The following SFR1 variants were observed in gnomAD, a reference collection of about 807,000 sequenced individuals.
SFR1 encodes the protein swi5-dependent recombination DNA repair protein 1 homolog.
A neutral mutation model predicts 26.2 loss-of-function variants in SFR1; 24 were observed. That is an observed-to-expected ratio of 0.92 (90% CI 0.66 to 1.29). The LOEUF (loss-of-function observed/expected upper bound fraction) is 1.29. Among genes scored for constraint, SFR1 ranks in the 50% most tolerant of loss-of-function variants. The pLI is 0.00. For synonymous variants in SFR1, 77 were observed against 96.6 expected, an observed-to-expected ratio of 0.80 and a Z score of 1.19; for missense variants, 276 against 270.2, an observed-to-expected ratio of 1.02 and a Z score of -0.15.
chr10:104,121,053 T>C (rs2086955571), upstream of SFR1, among the ~76,000 whole-genome samples: 2 of 152,020 alleles, frequency 1.3e-5, no homozygotes, highest in African/African-American at 4.8e-5. Flanking sequence ...CCACCCAATG[T>C]AGCTAACTTT....
chr10:104,122,053 A>T, upstream of SFR1: 2 of 1,131,742 alleles, frequency 1.8e-6, no homozygotes, highest in Non-Finnish European at 2.6e-6. Context: ...TGAGTCGCTG[A>T]GTGAAGCGGC....
intron 1 of SFR1, chr10:104,122,563 G>T: frequency 1.0e-6 from 1 of 985,368 alleles, no homozygotes; most frequent in Non-Finnish European, 1.2e-6. Flanking sequence ...GTTCAGGATG[G>T]GTGACATTCA....
chr10:104,121,537 A>G (rs1200661871), upstream of SFR1, among the ~76,000 whole-genome samples: 1 of 152,202 alleles, frequency 6.6e-6, no homozygotes, highest in East Asian at 1.9e-4. Context: ...GAACCCAACC[A>G]ACGCTGTTCT....
chr10:104,120,631 G>T (rs1261812833), upstream of SFR1, among the ~76,000 whole-genome samples: 1 of 152,128 alleles, frequency 6.6e-6, no homozygotes, highest in African/African-American at 2.4e-5. Context: ...ACTACTGAGT[G>T]CTTCCTAGAT....
intron 1 of SFR1, 177 bp downstream of exon 1, chr10:104,122,373 C>T (rs1019757884): frequency 2.0e-5 from 20 of 985,290 alleles, no homozygotes; most frequent in Non-Finnish European, 2.4e-5. Flanking sequence ...CGACTCCCGC[C>T]CCTAGTTTAC....
chr10:104,121,328 GTTTT>G (rs755549884), upstream of SFR1, among the ~76,000 whole-genome samples: 139 of 152,174 alleles, frequency 9.1e-4, 5 homozygotes, highest in Non-Finnish European at 3.1e-4. Flanking sequence ...TACAGAAACG[GTTTT>G]TTGTTTACAA....
chr10:104,120,550 G>C (rs1243178067), upstream of SFR1, among the ~76,000 whole-genome samples: 1 of 152,088 alleles, frequency 6.6e-6, no homozygotes, highest in Non-Finnish European at 1.5e-5. Context: ...TAAATCAAGG[G>C]GTGAAACTGA....
upstream of SFR1, among the ~76,000 whole-genome samples, chr10:104,121,633 G>A (rs950239211): frequency 3.3e-5 from 5 of 152,324 alleles, no homozygotes; most frequent in African/African-American, 1.2e-4. Flanking sequence ...CCACGTCTGA[G>A]TAAAGCCTTC....
At chr10:104,121,058 A>G (rs2086955626), upstream of SFR1, among the ~76,000 whole-genome samples, 1 of 151,672 alleles carries the variant, frequency 6.6e-6, no homozygotes, top group Admixed American at 6.6e-5. Context: ...CAATGTAGCT[A>G]ACTTTGTCGT....
upstream of SFR1, chr10:104,121,918 G>T (rs931926257): frequency 1.5e-5 from 7 of 470,196 alleles, no homozygotes; most frequent in Non-Finnish European, 2.3e-5. Context: ...GCTCTCGGGC[G>T]CTGGGCGGGG....
intron 2 of SFR1, 77 bp downstream of exon 2, chr10:104,123,163 G>A (rs2086986119): frequency 8.6e-7 from 1 of 1,161,290 alleles, no homozygotes; most frequent in Non-Finnish European, 1.2e-6. Flanking sequence ...TAAATTCTAC[G>A]GAAGGTTGTT....
chr10:104,124,373 C>T (rs2087003553), intron 3 of SFR1, among the ~76,000 whole-genome samples: 1 of 151,806 alleles, frequency 6.6e-6, no homozygotes. Flanking sequence ...TAGTTTCTAG[C>T]CCACAGCAAT....
chr10:104,123,753 A>G lies in SFR1; in HGVS notation c.175A>G (p.Arg59Gly). 1 of 1,605,020 alleles carries G rather than the reference A, an allele frequency of 6.2e-7. No homozygotes were observed. The highest frequency in any genetic ancestry group is 1.1e-5 in the South Asian group (1 of 88,922). Reference protein sequence around the residue: ...ATLRERLRKTRFSFNSSYNVV... With the variant: ...ATLRERLRKTGFSFNSSYNVV... Reference sequence around the variant, plus strand: ...ACTTAGAGAAAGATTAAGGAAAACAAGATTTTCATTTAATTCCTCTTACAA... The same window carrying G: ...ACTTAGAGAAAGATTAAGGAAAACAGGATTTTCATTTAATTCCTCTTACAA... Residue 59 changes from arginine to glycine, a missense_variant, in exon 3 of 4, where the codon AGA (arginine) becomes GGA (glycine). By Grantham distance (125) the Arg-to-Gly change is moderately radical. Transcript: ENST00000369727.
At chr10:104,124,177 G>A (rs1197260431) in intron 3 of SFR1, 53 bp downstream of exon 3, 11 of 1,387,740 alleles carry the variant, frequency 7.9e-6, no homozygotes, top group Non-Finnish European at 8.6e-6. Context: ...ATAAATTACA[G>A]GAAAGTAATT....
At position 104,126,175 on chromosome 10, in the gene SFR1, G is replaced by C. The variant is rs1197213877; in HGVS notation, c.*471G>C. ...TTAAGTCATGTTTAAAAAGTCATTT[G>C]GGCAGTTCTGGAAACTAGTTTTAAT... is the stretch of plus-strand genomic sequence containing the variant. On this transcript the variant is annotated 3_prime_UTR_variant, in exon 4 of 4. Transcript: ENST00000369727. 1 of 152,596 alleles carries C rather than the reference G, an allele frequency of 6.6e-6. No individual in the cohort carries two copies. The highest frequency in any genetic ancestry group is 1.5e-5 in the Non-Finnish European group (1 of 68,056). 9.5% of individuals were successfully genotyped at this position (152,596 alleles called of 1,614,324 possible).
chr10:104,121,980 CG>C, upstream of SFR1: 1 of 551,168 alleles, frequency 1.8e-6, no homozygotes, highest in Non-Finnish European at 3.2e-6. Context: ...GGCCTCCCAT[CG>C]TGTGGGCCAA....
chr10:104,123,622 C>A, intron 2 of SFR1, 92 bp from the exon 3 acceptor site: 1 of 1,005,238 alleles, frequency 9.9e-7, no homozygotes, highest in Non-Finnish European at 1.4e-6. Flanking sequence ...TGGTGTCTAG[C>A]ATAGAAATGG....
In SFR1 at chr10:104,125,763, G is replaced by T. The variant is rs1198125065; in HGVS notation, c.*59G>T. On this transcript the variant is annotated 3_prime_UTR_variant, in exon 4 of 4. Transcript: ENST00000369727. ...TGACAACTTAATTAAAAGATACTTAGGCACTTTTTTTTTTTTTTTGAGACT... is the reference window on the plus strand; with the variant it reads ...TGACAACTTAATTAAAAGATACTTATGCACTTTTTTTTTTTTTTTGAGACT... The T allele has an allele frequency of 8.1e-7, 1 of 1,240,470 alleles. No homozygotes were observed. The highest frequency in any genetic ancestry group is 1.1e-6 in the Non-Finnish European group (1 of 894,962). 76.8% of individuals were successfully genotyped at this position (1,240,470 alleles called of 1,614,324 possible).
rs1448929173 is a variant in SFR1 at position 104,125,910 on chromosome 10, C to G, written c.*206C>G. 8.4e-6 allele frequency: 3 copies of G among 355,120 alleles called. No homozygotes were observed. Among genetic ancestry groups the G allele is most frequent in the Non-Finnish European group, 1.6e-5 (3 of 193,054 alleles). 22.0% of individuals were successfully genotyped at this position (355,120 alleles called of 1,614,324 possible). A position where few individuals can be genotyped will look rare whatever the true frequency, so the allele number is the denominator to read the frequency against. On this transcript the variant is annotated 3_prime_UTR_variant, in exon 4 of 4. Coordinates refer to ENST00000369727, the MANE Select transcript of SFR1 (RefSeq NM_001002759.2). ...CCTCCCGAGTAGCTGAGATTACAGG[C>G]GCCCGCCACCATGCCCGGCTAATTT...
Sources: gnomAD v4.1 joint callset for allele counts (sites outside exome capture counted in the v4.1 genomes callset) on GRCh38, gnomAD v4.1.1 for gene constraint, MANE v1.5 for transcripts, NCBI Gene and HGNC (gene_info 2026-07-23, HGNC 2026-07-21) for gene names.